The following OXR1 variants were observed in gnomAD, a reference collection of about 807,000 sequenced individuals.
OXR1 encodes the protein oxidation resistance 1.
OXR1 carries 41 observed loss-of-function variants against 104.6 expected under a neutral mutation model. That is an observed-to-expected ratio of 0.39 (90% CI 0.31 to 0.51). The LOEUF is 0.51. Among genes scored for constraint, OXR1 ranks in the 20% least tolerant of loss-of-function variants. The pLI is 0.77. For synonymous variants in OXR1, 348 were observed against 348.4 expected, an observed-to-expected ratio of 1.00 and a Z score of 0.01; for missense variants, 955 against 1,031.9, an observed-to-expected ratio of 0.93 and a Z score of 1.02.
chr8:106,553,334 T>C (rs1010827939), intron 3 of OXR1, among the ~76,000 whole-genome samples: 20 of 151,474 alleles, frequency 1.3e-4, no homozygotes, highest in Non-Finnish European at 2.5e-4. Flanking sequence ...TTTTTTTTTT[T>C]TCCAGACAGG....
At chr8:106,665,701 GC>G (rs1408249069) in intron 3 of OXR1, among the ~76,000 whole-genome samples, 1 of 152,104 alleles carries the variant, frequency 6.6e-6, no homozygotes, top group Non-Finnish European at 1.5e-5. Context: ...TTATTTCATG[GC>G]CACTAGGAAA....
intron 3 of OXR1, among the ~76,000 whole-genome samples, chr8:106,642,091 C>A (rs1823699091): frequency 6.6e-6 from 1 of 151,994 alleles, no homozygotes; most frequent in Non-Finnish European, 1.5e-5. Context: ...CTTTATTTTT[C>A]TCAATTAAGA....
intron 15 of OXR1, 190 bp downstream of exon 15, chr8:106,742,507 A>G (rs1445530579): frequency 2.1e-6 from 1 of 482,216 alleles, no homozygotes; most frequent in African/African-American, 2.0e-5. Context: ...CTAAGCATAA[A>G]GAACAAAGCT....
intron 3 of OXR1, among the ~76,000 whole-genome samples, chr8:106,563,296 CAAAAAAAA>C (rs145929849): frequency 6.4e-5 from 8 of 125,772 alleles, no homozygotes; most frequent in East Asian, 5.0e-4. Flanking sequence ...AAATGGAAAG[CAAAAAAAA>C]AAAAAAAAAA....
chr8:106,538,770 T>C (rs1220577025), intron 3 of OXR1, among the ~76,000 whole-genome samples: 1 of 148,884 alleles, frequency 6.7e-6, no homozygotes, highest in African/African-American at 2.5e-5. Context: ...AAACAGGCTT[T>C]TTGCATGCAG....
At position 106,710,806 on chromosome 8, in the gene OXR1, G is replaced by T; in HGVS notation, c.1793+16G>T. The stretch of plus-strand genomic sequence containing the variant: ...CACAAGAAAGGTAAAAAACCCATAC[G>T]ACACCTTGAGAGCATTATTGAGATT... On this transcript the variant is annotated intron_variant, in intron 10 of 16. Coordinates refer to ENST00000517566, the MANE Select transcript of OXR1 (RefSeq NM_001198533.2). The T allele has an allele frequency of 7.0e-7, 1 of 1,431,760 alleles. No homozygotes were observed. The highest frequency in any genetic ancestry group is 1.6e-5 in the South Asian group (1 of 64,482). 88.7% of individuals were successfully genotyped at this position (1,431,760 alleles called of 1,614,324 possible).
chr8:106,648,721 G>A (rs1563667542), intron 3 of OXR1, among the ~76,000 whole-genome samples: 1 of 152,106 alleles, frequency 6.6e-6, no homozygotes, highest in Non-Finnish European at 1.5e-5. Context: ...TGAGTTTTTA[G>A]CTCCTACATT....
chr8:106,626,044 T>TTGTGTGTG (rs59554916), intron 3 of OXR1, among the ~76,000 whole-genome samples: 1,970 of 148,396 alleles, frequency 0.013, 25 homozygotes, highest in South Asian at 0.061. Flanking sequence ...GTTCTGCGTT[T>TTGTGTGTG]TGTGTGTGTG....
At chr8:106,276,316 G>A (rs1191905948) in intron 1 of OXR1, among the ~76,000 whole-genome samples, 1 of 152,130 alleles carries the variant, frequency 6.6e-6, no homozygotes, top group African/African-American at 2.4e-5. Flanking sequence ...TTGCAATTTT[G>A]ATTTGAACAA....
chr8:106,323,481 C>T (rs1446828566), intron 1 of OXR1, among the ~76,000 whole-genome samples: 10 of 152,062 alleles, frequency 6.6e-5, no homozygotes, highest in Non-Finnish European at 7.4e-5. Flanking sequence ...ACAACAAAAG[C>T]AATTGCAACA....
intron 11 of OXR1, among the ~76,000 whole-genome samples, chr8:106,734,246 C>T (rs1587283524): frequency 6.6e-6 from 1 of 152,084 alleles, no homozygotes; most frequent in East Asian, 1.9e-4. Context: ...TAACATAATT[C>T]AGGTCTTATT....
chr8:106,276,262 A>T (rs1439459105), intron 1 of OXR1, among the ~76,000 whole-genome samples: 3 of 152,200 alleles, frequency 2.0e-5, no homozygotes, highest in Non-Finnish European at 4.4e-5. Context: ...GACCCCACTG[A>T]CCAAAACACT....
chr8:106,672,114 T>A (rs948749357), intron 3 of OXR1, among the ~76,000 whole-genome samples: 2 of 151,664 alleles, frequency 1.3e-5, no homozygotes, highest in Middle Eastern at 6.3e-3. Context: ...AAACCGGAGT[T>A]AATAAATACT....
At chr8:106,476,601 GA>G (rs1431201382) in intron 2 of OXR1, among the ~76,000 whole-genome samples, 1 of 151,794 alleles carries the variant, frequency 6.6e-6, no homozygotes. Context: ...TTTCCCCCCA[GA>G]ATAGGGCACT....
chr8:106,743,023 A>T (rs898797991), intron 15 of OXR1, among the ~76,000 whole-genome samples: 1 of 152,198 alleles, frequency 6.6e-6, no homozygotes, highest in Non-Finnish European at 1.5e-5. Flanking sequence ...AGAATAGGAG[A>T]AAATTTTTGC....
At chr8:106,414,079 G>C (rs918090800) in intron 2 of OXR1, among the ~76,000 whole-genome samples, 4 of 152,008 alleles carry the variant, frequency 2.6e-5, no homozygotes, top group African/African-American at 9.7e-5. Context: ...CTAGTACTGT[G>C]CAGTAGTTTT....
At chr8:106,302,877 G>A (rs1182285835) in intron 1 of OXR1, among the ~76,000 whole-genome samples, 4 of 151,406 alleles carry the variant, frequency 2.6e-5, no homozygotes, top group African/African-American at 9.7e-5. Flanking sequence ...TCGGCCTCCC[G>A]AGTAGCTGGG....
At chr8:106,682,509 C>T (rs1828277424) in intron 4 of OXR1, 1 of 154,266 alleles carries the variant, frequency 6.5e-6, no homozygotes, top group Non-Finnish European at 1.5e-5. Context: ...ACCTCGTGAT[C>T]CACCTGCCTC....
At chr8:106,686,501 A>G (rs776966) in intron 6 of OXR1, among the ~76,000 whole-genome samples, 23,522 of 152,018 alleles carry the variant, frequency 0.15, 2,083 homozygotes, top group Non-Finnish European at 0.2. Flanking sequence ...TGCATATCTC[A>G]AGTGCCTATA....
Sources: allele counts gnomAD v4.1 joint callset (sites outside exome capture counted in the v4.1 genomes callset), GRCh38; gene constraint gnomAD v4.1.1; transcripts MANE v1.5; gene names NCBI Gene and HGNC (gene_info 2026-07-23, HGNC 2026-07-21).